The following ZNF525 variants were observed in gnomAD, a reference collection of about 807,000 sequenced individuals.
The protein encoded by ZNF525 is zinc finger protein 525.
A neutral mutation model predicts 37.6 loss-of-function variants in ZNF525; 33 were observed. That is an observed-to-expected ratio of 0.88 (90% CI 0.67 to 1.17). The LOEUF is 1.17. Among genes scored for constraint, ZNF525 ranks in the 50% most tolerant of loss-of-function variants. ZNF525 has a pLI of 0.00. For synonymous variants in ZNF525, 170 were observed against 182.3 expected, an observed-to-expected ratio of 0.93 and a Z score of 0.54; for missense variants, 449 against 543.1, an observed-to-expected ratio of 0.83 and a Z score of 1.72.
intron 1 of ZNF525, among the ~76,000 whole-genome samples, chr19:53,368,378 T>C (rs527984159): frequency 1.3e-5 from 2 of 152,372 alleles, no homozygotes; most frequent in Admixed American, 1.3e-4. Context: ...AAGTTAATTC[T>C]TCTAGTGACT....
At chr19:53,374,474 C>CT (rs1406383533) in intron 2 of ZNF525, among the ~76,000 whole-genome samples, 2 of 152,180 alleles carry the variant, frequency 1.3e-5, no homozygotes. Context: ...CTACAGATAT[C>CT]TGAAATTTCC....
intron 2 of ZNF525, among the ~76,000 whole-genome samples, chr19:53,373,098 A>G (rs1009752064): frequency 2.0e-5 from 3 of 151,982 alleles, no homozygotes; most frequent in Admixed American, 6.6e-5. Flanking sequence ...TGATAATATT[A>G]TTATATTTTA....
At position 53,383,304 on chromosome 19, in the gene ZNF525, C is replaced by T; in HGVS notation, c.*1285C>T. ...CTTGTAATTCATAAAACAATTCATA[C>T]TGGAGAGAAACAAGCGTAATGAATG... On this transcript the variant is annotated 3_prime_UTR_variant, in exon 4 of 4. Transcript: ENST00000474037. 2 of 1,286,924 alleles carry T rather than the reference C, an allele frequency of 1.6e-6. No homozygotes were observed. Among genetic ancestry groups the T allele is most frequent in the Non-Finnish European group, 2.1e-6 (2 of 956,682 alleles). 79.7% of individuals were successfully genotyped at this position (1,286,924 alleles called of 1,614,324 possible).
intron 1 of ZNF525, among the ~76,000 whole-genome samples, chr19:53,368,485 A>G (rs901537862): frequency 3.3e-5 from 5 of 152,074 alleles, no homozygotes; most frequent in African/African-American, 1.2e-4. Context: ...GCTTTGGGGG[A>G]AGAGTCAGTT....
At chr19:53,372,153 T>C in intron 1 of ZNF525, 62 bp from the exon 2 acceptor site, 1 of 583,066 alleles carries the variant, frequency 1.7e-6, no homozygotes, top group Non-Finnish European at 3.1e-6. Context: ...GTATGTGTCA[T>C]TGTGTTACAG....
Position 53,381,686 on chromosome 19 carries a change from C to T in ZNF525, c.1107C>T (p.Asn369=). 1.8e-6 allele frequency: 2 copies of T among 1,117,826 alleles called. No individual in the cohort carries two copies. Among genetic ancestry groups the T allele is most frequent in the Non-Finnish European group, 2.8e-6 (2 of 726,780 alleles). 69.2% of individuals were successfully genotyped at this position (1,117,826 alleles called of 1,614,324 possible). A position where few individuals can be genotyped will look rare whatever the true frequency, so the allele number is the denominator to read the frequency against. ...ACAAAGCTTTCAGTTTCAAATCAAA[C>T]CTTGAAAGTCATAGGATAACTCATA... ...ECDKAFSFKS[N]LESHRITHTG... is the part of the protein sequence containing the mutation. The change falls in exon 4 of 4, where the codon AAC becomes AAT. Residue 369 remains asparagine, a synonymous_variant. Transcript: ENST00000474037.
intron 3 of ZNF525, among the ~76,000 whole-genome samples, chr19:53,377,913 A>G (rs751358672): frequency 6.6e-6 from 1 of 152,162 alleles, no homozygotes; most frequent in African/African-American, 2.4e-5. Flanking sequence ...CAAGTATTGC[A>G]AAATTTATAG....
chr19:53,375,041 A>AT (rs977598241), intron 2 of ZNF525, among the ~76,000 whole-genome samples: 5,912 of 145,268 alleles, frequency 0.041, 386 homozygotes, highest in African/African-American at 0.14. Context: ...TGCCCAGCTA[A>AT]TTTTTTTTTT....
In ZNF525 at chr19:53,381,733, G is replaced by A; in HGVS notation, c.1154G>A (p.Cys385Tyr). The A allele has an allele frequency of 9.2e-7, 1 of 1,086,500 alleles. No homozygotes were observed. The allele number at this position is 1,086,500 out of a possible 1,614,324, so 67.3% of individuals were successfully genotyped here. A position where few individuals can be genotyped will look rare whatever the true frequency, so the allele number is the denominator to read the frequency against. ...CATACTGGAGAGAAACCATACAAGT[G>A]TAATGATTGTGGCAAGACCTTCAGT... ...ITHTGEKPYK[C>Y]NDCGKTFSHM... is the part of the protein sequence containing the mutation. The change falls in exon 4 of 4, where the codon TGT becomes TAT. Residue 385 changes from cysteine to tyrosine, a missense_variant. Around this residue, in one of 2 missense-constraint regions of ZNF525, gnomAD observed 178 missense variants for 161.5 expected, o/e 1.10. Coordinates refer to ENST00000474037, the MANE Select transcript of ZNF525 (RefSeq NM_001348156.2).
In ZNF525 at chr19:53,377,516, A is replaced by G. The variant is rs553768660; in HGVS notation, c.142+1620A>G. Among the ~76,000 whole-genome samples the G allele has an allele frequency of 1.4e-4, 20 of 145,016 alleles. No individual in the cohort carries two copies. The East Asian group carries it at 3.6e-3, about 26-fold the overall frequency. On this transcript the variant is annotated intron_variant, in intron 3 of 3. Coordinates refer to ENST00000474037, the MANE Select transcript of ZNF525 (RefSeq NM_001348156.2). ...TTACCTTTACTGGAGAATTTTATATATATTTGTGGGTTGGAGTTACTCTTA... is the reference window on the plus strand; with the variant it reads ...TTACCTTTACTGGAGAATTTTATATGTATTTGTGGGTTGGAGTTACTCTTA...
intron 1 of ZNF525, among the ~76,000 whole-genome samples, chr19:53,368,417 A>C (rs765716473): frequency 1.3e-5 from 2 of 152,216 alleles, no homozygotes; most frequent in Non-Finnish European, 2.9e-5. Context: ...AGTGAGCAAC[A>C]CAGTATCTCC....
At position 53,381,303 on chromosome 19, in the gene ZNF525, C is replaced by A. The variant is rs931029029; in HGVS notation, c.724C>A (p.Gln242Lys). The stretch of plus-strand genomic sequence containing the variant: ...TCAGATTATTCATCTAGGAGAGAAA[C>A]AATATAAATGTGATGTATGTGACAA... ...KHQIIHLGEK[Q>K]YKCDVCDKVF... The change falls in exon 4 of 4, where the codon CAA (glutamine) becomes AAA (lysine). Residue 242 changes from glutamine (Q) to lysine (K), a missense_variant. Gln to Lys is a moderately conservative substitution (Grantham distance 53). Around this residue, in one of 2 missense-constraint regions of ZNF525, gnomAD observed 271 missense variants for 381.6 expected, o/e 0.71. Transcript: ENST00000474037. 6.1e-6 allele frequency: 9 copies of A among 1,478,946 alleles called. No individual in the cohort carries two copies. The highest frequency in any genetic ancestry group is 8.5e-6 in the Non-Finnish European group (9 of 1,057,004). The allele number at this position is 1,478,946 out of a possible 1,614,324, so 91.6% of individuals were successfully genotyped here.
Position 53,381,761 on chromosome 19 carries a change from T to C in ZNF525, c.1182T>C (p.His394=). The C allele has an allele frequency of 1.9e-6, 2 of 1,053,292 alleles. No homozygotes were observed. The highest frequency in any genetic ancestry group is 3.0e-6 in the Non-Finnish European group (2 of 668,718). The allele number at this position is 1,053,292 out of a possible 1,614,324, so 65.2% of individuals were successfully genotyped here. The change falls in exon 4 of 4, where the codon CAT becomes CAC. Residue 394 remains histidine, a synonymous_variant. Transcript: ENST00000474037. Reference sequence around the variant, plus strand: ...ATGATTGTGGCAAGACCTTCAGTCATATGTCAACCCTTACATGCCATCGTA... The same window carrying C: ...ATGATTGTGGCAAGACCTTCAGTCACATGTCAACCCTTACATGCCATCGTA... ...KCNDCGKTFS[H]MSTLTCHRRL...
Position 53,382,303 on chromosome 19 carries a change from G to A in ZNF525, c.*284G>A. The A allele has an allele frequency of 1.4e-6, 2 of 1,395,084 alleles. No individual in the cohort carries two copies. The highest frequency in any genetic ancestry group is 2.0e-6 in the Non-Finnish European group (2 of 981,668). 86.4% of individuals were successfully genotyped at this position (1,395,084 alleles called of 1,614,324 possible). On this transcript the variant is annotated 3_prime_UTR_variant, in exon 4 of 4. Coordinates refer to ENST00000474037, the MANE Select transcript of ZNF525 (RefSeq NM_001348156.2). ...ACATGCCATCATAGACTTCATACTG[G>A]AGAGAAACCTTACAAATGTGAAGAA...
At chr19:53,369,924 C>G (rs1286348556) in intron 1 of ZNF525, among the ~76,000 whole-genome samples, 1 of 146,006 alleles carries the variant, frequency 6.8e-6, no homozygotes. Context: ...TGGGGTTTCA[C>G]CGTGTTAGCC....
chr19:53,369,365 C>G (rs910278135), intron 1 of ZNF525, among the ~76,000 whole-genome samples: 18 of 151,982 alleles, frequency 1.2e-4, no homozygotes, highest in Non-Finnish European at 2.2e-4. Flanking sequence ...GCCTCAGCCT[C>G]TCAGGCACCC....
chr19:53,383,405 T>C lies in ZNF525; in HGVS notation c.*1386T>C. The C allele has an allele frequency of 9.2e-7, 1 of 1,090,608 alleles. No homozygotes were observed. The highest frequency in any genetic ancestry group is 1.3e-6 in the Non-Finnish European group (1 of 745,042). The allele number at this position is 1,090,608 out of a possible 1,614,324, so 67.6% of individuals were successfully genotyped here. A position where few individuals can be genotyped will look rare whatever the true frequency, so the allele number is the denominator to read the frequency against. Reference sequence around the variant, plus strand: ...ATACTGGAGAGAAACCTTAGAAATGTGAAGAATGTGACAAAGTTTACAGTC... The same window carrying C: ...ATACTGGAGAGAAACCTTAGAAATGCGAAGAATGTGACAAAGTTTACAGTC... On this transcript the variant is annotated 3_prime_UTR_variant, in exon 4 of 4. Coordinates refer to ENST00000474037, the MANE Select transcript of ZNF525 (RefSeq NM_001348156.2).
intron 3 of ZNF525, among the ~76,000 whole-genome samples, chr19:53,376,902 G>A (rs1224142287): frequency 6.6e-6 from 1 of 152,172 alleles, no homozygotes; most frequent in Non-Finnish European, 1.5e-5. Context: ...CCCTGGAGGT[G>A]GAGGTTGTGG....
chr19:53,386,518 T>C lies in ZNF525; in HGVS notation c.*4499T>C. The C allele has an allele frequency of 3.6e-6, 2 of 559,122 alleles. No homozygotes were observed. Among genetic ancestry groups the C allele is most frequent in the Non-Finnish European group, 6.5e-6 (2 of 307,162 alleles). The allele number at this position is 559,122 out of a possible 1,614,324, so 34.6% of individuals were successfully genotyped here. On this transcript the variant is annotated 3_prime_UTR_variant, in exon 4 of 4. Coordinates refer to ENST00000474037, the MANE Select transcript of ZNF525 (RefSeq NM_001348156.2). ...TTTTATTGGGAATATGTTTTTTCTC[T>C]GTAAATTTGTTATAAACGCATTGGT... is the stretch of plus-strand genomic sequence containing the variant.
Sources: allele counts gnomAD v4.1 joint callset (sites outside exome capture counted in the v4.1 genomes callset), GRCh38; gene constraint gnomAD v4.1.1; regional missense constraint gnomAD v4.1.1; transcripts MANE v1.5; gene names NCBI Gene and HGNC (gene_info 2026-07-23, HGNC 2026-07-21).